Variants in IL1RAPL2 observed in about 807,000 individuals in gnomAD.
The protein encoded by IL1RAPL2 is interleukin 1 receptor accessory protein like 2.
Under a neutral mutation model 44.1 loss-of-function variants are expected in IL1RAPL2, and 3 were observed. That is an observed-to-expected ratio of 0.07 (90% CI 0.03 to 0.18). IL1RAPL2 has a LOEUF of 0.18. Ranked by LOEUF, IL1RAPL2 falls within the 10% of genes least tolerant of loss-of-function variation. The pLI is 1.00. For synonymous variants in IL1RAPL2, 181 were observed against 178.8 expected (o/e 1.01, Z -0.10); for missense variants, 391 against 496.4 (o/e 0.79, Z 2.02).
intron 2 of IL1RAPL2, among the ~76,000 whole-genome samples, chrX:104,965,756 A>G (rs1315940449): frequency 1.8e-5 from 2 of 112,034 alleles, no homozygotes; most frequent in Non-Finnish European, 3.8e-5. Flanking sequence ...TATTTGCAGA[A>G]ATATCAAATG....
At chrX:105,202,613 T>C (rs1343462945) in intron 3 of IL1RAPL2, among the ~76,000 whole-genome samples, 1 of 112,037 alleles carries the variant, frequency 8.9e-6, no homozygotes, top group African/African-American at 3.2e-5. Flanking sequence ...AATCTATTGA[T>C]TCCACCCAAC....
chrX:105,653,125 G>A (rs2037652646), intron 6 of IL1RAPL2, among the ~76,000 whole-genome samples: 1 of 111,892 alleles, frequency 8.9e-6, no homozygotes, highest in African/African-American at 3.2e-5. Context: ...CCAACATGGT[G>A]CTGAACTGAG....
At chrX:104,653,635 C>T (rs1024121286) in intron 1 of IL1RAPL2, among the ~76,000 whole-genome samples, 3 of 111,288 alleles carry the variant, frequency 2.7e-5, no homozygotes, top group African/African-American at 9.8e-5. Context: ...AGACATCAAA[C>T]TGGAAGTTTT....
chrX:105,369,144 A>G (rs2035318340), intron 5 of IL1RAPL2, among the ~76,000 whole-genome samples: 1 of 110,344 alleles, frequency 9.1e-6, no homozygotes, highest in Admixed American at 9.8e-5. Context: ...TAAATCACAT[A>G]TCTCCATTTC....
intron 5 of IL1RAPL2, among the ~76,000 whole-genome samples, chrX:105,455,237 A>G (rs894145288): frequency 2.7e-5 from 3 of 112,313 alleles, no homozygotes; most frequent in Admixed American, 9.4e-5. Flanking sequence ...ATGAGATTGC[A>G]TAGTTTGCAA....
At chrX:104,885,917 C>G (rs1357100530) in intron 2 of IL1RAPL2, among the ~76,000 whole-genome samples, 1 of 113,197 alleles carries the variant, frequency 8.8e-6, no homozygotes, top group East Asian at 2.8e-4. Context: ...CTGGAAGCCC[C>G]CAACCAGATG....
chrX:105,061,340 T>C (rs1383243639), intron 2 of IL1RAPL2, among the ~76,000 whole-genome samples: 1 of 111,898 alleles, frequency 8.9e-6, no homozygotes, highest in Non-Finnish European at 1.9e-5. Context: ...TTTGTGTTTG[T>C]ACAGTTTTCA....
rs1280156220 is a variant in IL1RAPL2, at chrX:105,640,777, GATATAGATATAGATAT to G, written c.773-76588_773-76573del. On this transcript the variant is annotated intron_variant, in intron 6 of 10. Coordinates refer to ENST00000372582, the MANE Select transcript of IL1RAPL2 (RefSeq NM_017416.2). Reference sequence around the variant, plus strand: ...AGATATAGATATAGATATAGATATAGATATAGATATAGATATAGATAGAGAGAGAGACCGAGAGAGA... The same window carrying G: ...AGATATAGATATAGATATAGATATAGAGATAGAGAGAGAGACCGAGAGAGA... 5.8e-3 allele frequency among the ~76,000 whole-genome samples: 557 copies of G among 95,502 alleles called. 4 individuals carry two copies. Among genetic ancestry groups the G allele is most frequent in the African/African-American group, 0.02 (532 of 26,639 alleles). 82.9% of individuals were successfully genotyped at this position (95,502 alleles called of 115,157 possible). A position where few individuals can be genotyped will look rare whatever the true frequency, so the allele number is the denominator to read the frequency against.
At chrX:104,898,242 G>C (rs753782462) in intron 2 of IL1RAPL2, among the ~76,000 whole-genome samples, 8 of 111,514 alleles carry the variant, frequency 7.2e-5, no homozygotes, top group Non-Finnish European at 1.1e-4. Flanking sequence ...AACAATAGTG[G>C]GATAGCATTA....
intron 5 of IL1RAPL2, among the ~76,000 whole-genome samples, chrX:105,323,339 G>A (rs2034910345): frequency 8.9e-6 from 1 of 111,733 alleles, no homozygotes; most frequent in Admixed American, 9.5e-5. Flanking sequence ...TCACATTTGT[G>A]TAACTGTGCC....
intron 6 of IL1RAPL2, among the ~76,000 whole-genome samples, chrX:105,588,721 C>T (rs1446888384): frequency 8.9e-6 from 1 of 111,980 alleles, no homozygotes; most frequent in Non-Finnish European, 1.9e-5. Flanking sequence ...GACATGATCT[C>T]ATTTTTTCTT....
At chrX:105,158,470 C>A (rs1279438675) in intron 2 of IL1RAPL2, among the ~76,000 whole-genome samples, 1 of 112,633 alleles carries the variant, frequency 8.9e-6, no homozygotes, top group Non-Finnish European at 1.9e-5. Flanking sequence ...CTTGTCACTT[C>A]TTTTCTTTCC....
At chrX:105,570,722 C>G (rs1203044709) in intron 6 of IL1RAPL2, among the ~76,000 whole-genome samples, 1 of 112,134 alleles carries the variant, frequency 8.9e-6, no homozygotes, top group African/African-American at 3.2e-5. Context: ...TTCTACCTCC[C>G]ACTTTTAAGC....
intron 6 of IL1RAPL2, among the ~76,000 whole-genome samples, chrX:105,678,976 T>C (rs995731650): frequency 1.8e-5 from 2 of 110,805 alleles, no homozygotes; most frequent in Non-Finnish European, 3.8e-5. Flanking sequence ...GGTTAGGGGA[T>C]GGATTACAGC....
intron 2 of IL1RAPL2, among the ~76,000 whole-genome samples, chrX:104,980,036 AC>A (rs2030408441): frequency 8.9e-6 from 1 of 111,975 alleles, no homozygotes. Flanking sequence ...ACTCATTGCC[AC>A]TCTGTTTGTA....
chrX:105,752,314 C>T (rs1030040548), intron 9 of IL1RAPL2, among the ~76,000 whole-genome samples: 8 of 112,242 alleles, frequency 7.1e-5, no homozygotes, highest in Admixed American at 3.8e-4. Context: ...AGCACAGCTG[C>T]GGAACAACTG....
intron 2 of IL1RAPL2, among the ~76,000 whole-genome samples, chrX:104,800,768 G>A (rs1932880189): frequency 8.9e-6 from 1 of 112,659 alleles, no homozygotes; most frequent in African/African-American, 3.2e-5. Flanking sequence ...CAGAGAGCAG[G>A]CCTCTGAAAG....
intron 1 of IL1RAPL2, chrX:104,647,389 C>T: frequency 1.8e-6 from 1 of 552,241 alleles, no homozygotes; most frequent in East Asian, 3.5e-5. Context: ...TTTTCTGCTG[C>T]TCAGCCTTTT....
rs764443910 is a variant in IL1RAPL2 at position 105,680,306 on chromosome X, C to CTTTCT, written c.773-37057_773-37053dup. On this transcript the variant is annotated intron_variant, in intron 6 of 10. Coordinates refer to ENST00000372582, the MANE Select transcript of IL1RAPL2 (RefSeq NM_017416.2). ...GAGCCACCGCACCTGGCCTGAATTT[C>CTTTCT]TTTCTTTTTAAGGTTCTCAAAACGT... Among the ~76,000 whole-genome samples the CTTTCT allele has an allele frequency of 7.1e-5, 8 of 112,243 alleles. No homozygotes were observed. The South Asian group carries it at 3.0e-3, about 41-fold the overall frequency.
Sources: gnomAD v4.1 joint callset for allele counts (sites outside exome capture counted in the v4.1 genomes callset) on GRCh38, gnomAD v4.1.1 for gene constraint, MANE v1.5 for transcripts, NCBI Gene and HGNC (gene_info 2026-07-23, HGNC 2026-07-21) for gene names.